The following SCAPER variants were observed in gnomAD, a reference collection of about 807,000 sequenced individuals.
The protein encoded by SCAPER is S-phase cyclin A associated protein in the ER.
Under a neutral mutation model 182.2 loss-of-function variants are expected in SCAPER, and 98 were observed. That is an observed-to-expected ratio of 0.54 (90% CI 0.46 to 0.64). The LOEUF is 0.64. Ranked by LOEUF, SCAPER falls within the 30% of genes least tolerant of loss-of-function variation. SCAPER has a pLI of 0.00. For synonymous variants in SCAPER, 605 were observed against 564.6 expected (o/e 1.07, Z -1.01); for missense variants, 1,432 against 1,690.0 (o/e 0.85, Z 2.68).
intron 20 of SCAPER, among the ~76,000 whole-genome samples, chr15:76,696,317 T>G (rs773328745): frequency 1.3e-5 from 2 of 152,198 alleles, no homozygotes; most frequent in Admixed American, 1.3e-4. Flanking sequence ...AGTTTAAAAT[T>G]TATTTTCTCT....
At chr15:76,356,648 C>T (rs1019247277) in intron 29 of SCAPER, among the ~76,000 whole-genome samples, 2 of 152,210 alleles carry the variant, frequency 1.3e-5, no homozygotes, top group Non-Finnish European at 2.9e-5. Context: ...TTTGTCCAGA[C>T]AAAGGGCTGC....
chr15:76,729,840 T>C (rs1157183728), intron 16 of SCAPER, among the ~76,000 whole-genome samples: 1 of 152,088 alleles, frequency 6.6e-6, no homozygotes, highest in African/African-American at 2.4e-5. Context: ...CTGGGTAACT[T>C]CAACATGAAA....
chr15:76,829,077 G>C (rs1034974349), intron 5 of SCAPER, among the ~76,000 whole-genome samples: 3 of 151,954 alleles, frequency 2.0e-5, no homozygotes, highest in Non-Finnish European at 2.9e-5. Flanking sequence ...CAACCAACAA[G>C]TGGACAAAAA....
At chr15:76,667,925 T>C (rs556764438) in intron 20 of SCAPER, among the ~76,000 whole-genome samples, 11 of 151,842 alleles carry the variant, frequency 7.2e-5, no homozygotes, top group African/African-American at 2.7e-4. Flanking sequence ...ATCGTGCCAC[T>C]GCACTCCAGC....
chr15:76,518,967 T>A (rs2042646264), intron 23 of SCAPER, among the ~76,000 whole-genome samples: 1 of 152,242 alleles, frequency 6.6e-6, no homozygotes, highest in Non-Finnish European at 1.5e-5. Flanking sequence ...ACTTTAGAGC[T>A]ACTCTGTGCT....
chr15:76,709,118 T>C (rs76792991), intron 17 of SCAPER, among the ~76,000 whole-genome samples: 1 of 152,060 alleles, frequency 6.6e-6, no homozygotes, highest in Admixed American at 6.6e-5. Flanking sequence ...TATAAAACAA[T>C]TACAAACAAC....
intron 18 of SCAPER, among the ~76,000 whole-genome samples, chr15:76,703,500 T>C (rs560330285): frequency 6.6e-6 from 1 of 152,138 alleles, no homozygotes. Flanking sequence ...TATAACCTAC[T>C]CCATTTTTAT....
chr15:76,529,293 G>A (rs764227742), intron 23 of SCAPER, among the ~76,000 whole-genome samples: 7 of 152,216 alleles, frequency 4.6e-5, no homozygotes, highest in East Asian at 1.9e-4. Flanking sequence ...TGATCCACCC[G>A]CCTAAGCCTC....
chr15:76,893,163 C>A lies in SCAPER; in HGVS notation c.-59-9287G>T, dbSNP rs575188583. Among the ~76,000 whole-genome samples the A allele has an allele frequency of 1.2e-4, 18 of 152,258 alleles. No individual in the cohort carries two copies. In the South Asian group the frequency reaches 3.1e-3, roughly 26 times the overall value. ...GACACAGGGCAGGGAACATCACACA[C>A]CGGAGCCTGTCACTGGGTGGGGGGC... On this transcript the variant is annotated intron_variant, in intron 1 of 31. Transcript: ENST00000563290.
intron 4 of SCAPER, among the ~76,000 whole-genome samples, chr15:76,850,529 C>T (rs1316783983): frequency 6.6e-6 from 1 of 152,102 alleles, no homozygotes; most frequent in East Asian, 1.9e-4. Flanking sequence ...CACATCAGTT[C>T]TTTAATAAGG....
chr15:76,417,974 C>T (rs1184874246), intron 26 of SCAPER, among the ~76,000 whole-genome samples: 3 of 151,890 alleles, frequency 2.0e-5, no homozygotes, highest in African/African-American at 4.8e-5. Flanking sequence ...GCCGAGATCG[C>T]GCCTCTGCAC....
At chr15:76,663,511 G>C (rs1032815748) in intron 21 of SCAPER, among the ~76,000 whole-genome samples, 1 of 151,800 alleles carries the variant, frequency 6.6e-6, no homozygotes, top group Non-Finnish European at 1.5e-5. Flanking sequence ...TCCATACAAT[G>C]GATATAGTCA....
chr15:76,488,714 C>CTTTTTTTTTTTTTTTTTTTTT lies in SCAPER; in HGVS notation c.2954+16124_2954+16144dup, dbSNP rs71143333. Among the ~76,000 whole-genome samples the CTTTTTTTTTTTTTTTTTTTTT allele has an allele frequency of 1.4e-3, 134 of 93,102 alleles. 16 individuals carry two copies. Among genetic ancestry groups the CTTTTTTTTTTTTTTTTTTTTT allele is most frequent in the East Asian group, 3.2e-3 (8 of 2,488 alleles). The allele number at this position is 93,102 out of a possible 152,430, so 61.1% of individuals were successfully genotyped here. On this transcript the variant is annotated intron_variant, in intron 24 of 31. Coordinates refer to ENST00000563290, the MANE Select transcript of SCAPER (RefSeq NM_020843.4). Reference sequence around the variant, plus strand: ...TTGCATCCTGATAACAGTACACTGCCTTTTTTTTTTTTTTTTTTTTTTTTT... The same window carrying CTTTTTTTTTTTTTTTTTTTTT: ...TTGCATCCTGATAACAGTACACTGCCTTTTTTTTTTTTTTTTTTTTTTTTTTTTTTTTTTTTTTTTTTTTTT...
At chr15:76,814,479 T>C (rs1248449653) in intron 5 of SCAPER, among the ~76,000 whole-genome samples, 1 of 152,136 alleles carries the variant, frequency 6.6e-6, no homozygotes, top group African/African-American at 2.4e-5. Flanking sequence ...TGTGGTCAAC[T>C]AATTTTCAAC....
chr15:76,552,674 C>T (rs1264732714), intron 23 of SCAPER, among the ~76,000 whole-genome samples: 1 of 152,142 alleles, frequency 6.6e-6, no homozygotes, highest in African/African-American at 2.4e-5. Flanking sequence ...GGACTCCAGC[C>T]CATACGCAGT....
chr15:76,374,544 G>A (rs1182314454), intron 29 of SCAPER, among the ~76,000 whole-genome samples: 2 of 148,530 alleles, frequency 1.3e-5, no homozygotes, highest in East Asian at 2.0e-4. Flanking sequence ...GAGCAATGGC[G>A]CGATCTCGGC....
At chr15:76,879,351 C>T (rs1381504866) in intron 2 of SCAPER, among the ~76,000 whole-genome samples, 3 of 152,104 alleles carry the variant, frequency 2.0e-5, no homozygotes, top group African/African-American at 7.2e-5. Context: ...GTCCCTAACT[C>T]CAGGGTGCAG....
chr15:76,360,935 C>A (rs1197880580), intron 29 of SCAPER, among the ~76,000 whole-genome samples: 1 of 150,094 alleles, frequency 6.7e-6, no homozygotes, highest in Non-Finnish European at 1.5e-5. Flanking sequence ...GAGTGCCTTG[C>A]AAAACTGGTC....
At chr15:76,727,025 A>G (rs1416930460) in intron 17 of SCAPER, among the ~76,000 whole-genome samples, 3 of 150,068 alleles carry the variant, frequency 2.0e-5, no homozygotes, top group Non-Finnish European at 4.4e-5. Flanking sequence ...TTTTGCCACA[A>G]TAGAAAAGCA....
Sources: allele counts gnomAD v4.1 joint callset (sites outside exome capture counted in the v4.1 genomes callset), GRCh38; gene constraint gnomAD v4.1.1; transcripts MANE v1.5; gene names NCBI Gene and HGNC (gene_info 2026-07-23, HGNC 2026-07-21).